SAMD8: variants seen among roughly 807,000 people sequenced by gnomAD.
SAMD8 encodes sphingomyelin synthase-related protein 1.
SAMD8 carries 20 observed loss-of-function variants against 42.0 expected under a neutral mutation model. The ratio of observed to expected loss-of-function variants is 0.48; its 90% confidence interval spans 0.34 to 0.69. The LOEUF (loss-of-function observed/expected upper bound fraction) is 0.69. SAMD8 is among the 30% of genes least tolerant of loss of function. SAMD8 has a pLI of 0.01. For synonymous variants in SAMD8, 162 were observed against 173.0 expected, an observed-to-expected ratio of 0.94 and a Z score of 0.50; for missense variants, 328 against 511.6, an observed-to-expected ratio of 0.64 and a Z score of 3.46.
At chr10:75,129,878 C>T (rs1047012214) in intron 1 of SAMD8, among the ~76,000 whole-genome samples, 2 of 152,068 alleles carry the variant, frequency 1.3e-5, no homozygotes, top group African/African-American at 4.8e-5. Flanking sequence ...GAACTTGTCT[C>T]CCCCTAAAAA....
At chr10:75,170,901 G>A (rs906357557) in intron 4 of SAMD8, among the ~76,000 whole-genome samples, 3 of 150,168 alleles carry the variant, frequency 2.0e-5, no homozygotes, top group Non-Finnish European at 4.4e-5. Flanking sequence ...AGCCTCCCGA[G>A]TAGCTGGGAC....
At chr10:75,141,646 A>G (rs1334412963) in intron 1 of SAMD8, among the ~76,000 whole-genome samples, 2 of 148,232 alleles carry the variant, frequency 1.3e-5, no homozygotes, top group African/African-American at 5.0e-5. Flanking sequence ...GGTTCACGCC[A>G]TTCTCCTGCC....
chr10:75,163,352 C>T (rs944983492), intron 2 of SAMD8, among the ~76,000 whole-genome samples: 1 of 152,110 alleles, frequency 6.6e-6, no homozygotes, highest in African/African-American at 2.4e-5. Flanking sequence ...CAGAGATGAC[C>T]TATTGGACTA....
At chr10:75,132,593 A>C (rs1370089169) in intron 1 of SAMD8, among the ~76,000 whole-genome samples, 1 of 152,208 alleles carries the variant, frequency 6.6e-6, no homozygotes, top group Admixed American at 6.5e-5. Context: ...GAAGCCGTGA[A>C]GAATTTGTAA....
chr10:75,123,287 G>A (rs975906413), intron 1 of SAMD8, among the ~76,000 whole-genome samples: 1 of 151,844 alleles, frequency 6.6e-6, no homozygotes. Flanking sequence ...CCACTGAGTG[G>A]TGTTAATCCT....
upstream of SAMD8, among the ~76,000 whole-genome samples, chr10:75,108,735 G>C (rs112807565): frequency 3.3e-4 from 51 of 152,270 alleles, no homozygotes; most frequent in African/African-American, 1.2e-3. Context: ...CTGGGCCTCT[G>C]CCTCTACACT....
intron 1 of SAMD8, among the ~76,000 whole-genome samples, chr10:75,116,314 C>A (rs781223422): frequency 2.0e-5 from 3 of 151,998 alleles, no homozygotes; most frequent in Non-Finnish European, 4.4e-5. Flanking sequence ...CTATGTTGAC[C>A]AGGCTGGTTT....
intron 2 of SAMD8, among the ~76,000 whole-genome samples, chr10:75,163,392 C>T (rs1246742506): frequency 6.6e-6 from 1 of 152,122 alleles, no homozygotes; most frequent in Non-Finnish European, 1.5e-5. Context: ...CTTCCCCTTC[C>T]TTTCTTCCTC....
At chr10:75,102,091 C>T (rs573380586) in intron 1 of SAMD8, 202 of 559,710 alleles carry the variant, frequency 3.6e-4, no homozygotes, top group Non-Finnish European at 5.6e-4. Context: ...GCACCTTTCC[C>T]TCCAGGCCCA....
At chr10:75,121,479 C>T (rs141258753) in intron 1 of SAMD8, among the ~76,000 whole-genome samples, 100 of 152,232 alleles carry the variant, frequency 6.6e-4, no homozygotes, top group Non-Finnish European at 1.0e-3. Flanking sequence ...CAAAACACAA[C>T]ACGTTTAATG....
At chr10:75,161,414 CTGAGTGCGCAGA>C (rs1204787291) in intron 2 of SAMD8, among the ~76,000 whole-genome samples, 1 of 152,096 alleles carries the variant, frequency 6.6e-6, no homozygotes, top group Admixed American at 6.6e-5. Flanking sequence ...TCTGCGCACC[CTGAGTGCGCAGA>C]GAAACCCAAA....
At chr10:75,122,805 A>G (rs1232383205) in intron 1 of SAMD8, among the ~76,000 whole-genome samples, 2 of 152,006 alleles carry the variant, frequency 1.3e-5, no homozygotes, top group South Asian at 2.1e-4. Context: ...GACAATTTGT[A>G]TTATAAATGG....
At chr10:75,101,943 C>T (rs149534897) in intron 1 of SAMD8, 51 of 1,367,798 alleles carry the variant, frequency 3.7e-5, no homozygotes, top group African/African-American at 2.5e-4. Flanking sequence ...CGCCTGTCTC[C>T]GCACACTTGA....
chr10:75,162,581 G>A (rs1216020875), intron 2 of SAMD8, among the ~76,000 whole-genome samples: 1 of 151,230 alleles, frequency 6.6e-6, no homozygotes, highest in African/African-American at 2.4e-5. Context: ...CCCAGGAGGC[G>A]GAGGTTGTGG....
At chr10:75,159,221 C>T (rs1274974418) in intron 2 of SAMD8, among the ~76,000 whole-genome samples, 11 of 151,938 alleles carry the variant, frequency 7.2e-5, no homozygotes, top group Non-Finnish European at 1.2e-4. Flanking sequence ...CCACACCCAG[C>T]TAATTTTTGT....
chr10:75,156,401 T>C (rs1364244081), intron 2 of SAMD8, among the ~76,000 whole-genome samples: 1 of 152,184 alleles, frequency 6.6e-6, no homozygotes, highest in Admixed American at 6.5e-5. Context: ...AAGTCATCAG[T>C]AGATGATAAA....
chr10:75,113,557 A>G (rs2134412982), intron 1 of SAMD8, among the ~76,000 whole-genome samples: 1 of 152,232 alleles, frequency 6.6e-6, no homozygotes, highest in Non-Finnish European at 1.5e-5. Context: ...TTAAATCTAA[A>G]TGGATATCTA....
At chr10:75,159,103 G>A (rs908714114) in intron 2 of SAMD8, among the ~76,000 whole-genome samples, 1 of 135,792 alleles carries the variant, frequency 7.4e-6, no homozygotes, top group African/African-American at 3.0e-5. Context: ...CTGTTACCCA[G>A]GCTGGAGTAT....
chr10:75,174,849 G>A (rs1644605859), intron 4 of SAMD8, among the ~76,000 whole-genome samples: 1 of 151,984 alleles, frequency 6.6e-6, no homozygotes, highest in African/African-American at 2.4e-5. Context: ...ATTAGGTTTG[G>A]CTATTGATAA....
Sources: gnomAD v4.1 joint callset for allele counts (sites outside exome capture counted in the v4.1 genomes callset) on GRCh38, gnomAD v4.1.1 for gene constraint, MANE v1.5 for transcripts, NCBI Gene and HGNC (gene_info 2026-07-23, HGNC 2026-07-21) for gene names.